Variants in CNR2 observed in about 807,000 individuals in gnomAD.
CNR2 encodes the protein cannabinoid receptor 2.
For synonymous variants in CNR2, 172 were observed against 182.2 expected (o/e 0.94, Z 0.45); for missense variants, 379 against 439.9 (o/e 0.86, Z 1.24).
In CNR2 at chr1:23,910,939, T is replaced by C. The variant is rs141769115; in HGVS notation, c.-46+2307A>G. Among the ~76,000 whole-genome samples the C allele has an allele frequency of 3.6e-3, 552 of 152,200 alleles. 6 individuals are homozygous for C. Among genetic ancestry groups the C allele is most frequent in the African/African-American group, 0.012 (516 of 41,540 alleles). ...TGCTCACACTGGCTCCGCTATTCCT[T>C]GGCTGTGTGACACTGAGCAAGTCAA... On this transcript the variant is annotated intron_variant, in intron 1 of 1. Coordinates refer to ENST00000374472, the MANE Select transcript of CNR2 (RefSeq NM_001841.3).
chr1:23,875,430 T>A lies in CNR2; in HGVS notation c.188A>T (p.Gln63Leu). ...AVLYLILSSHQLRRKPSYLFI... is the reference protein window; with the variant it reads ...AVLYLILSSHLLRRKPSYLFI... ...CAGGTATGAGGGCTTCCGGCGGAGT[T>A]GGTGGGAGGACAGGATCAGATAGAG... The change falls in exon 2 of 2, where the codon CAA (glutamine) becomes CTA (leucine). Residue 63 changes from glutamine to leucine, a missense_variant. Transcript: ENST00000374472. 6.2e-7 allele frequency: 1 copy of A among 1,613,518 alleles called. No individual in the cohort carries two copies. The highest frequency in any genetic ancestry group is 8.5e-7 in the Non-Finnish European group (1 of 1,179,818).
intron 1 of CNR2, among the ~76,000 whole-genome samples, chr1:23,912,816 T>C (rs1198430875): frequency 7.2e-5 from 11 of 152,168 alleles, no homozygotes; most frequent in Non-Finnish European, 1.6e-4. Flanking sequence ...ATCTATCCCC[T>C]GCCCCAGACA....
chr1:23,913,153 TC>T (rs1640614159), intron 1 of CNR2, 92 bp downstream of exon 1: 2 of 172,612 alleles, frequency 1.2e-5, no homozygotes, highest in South Asian at 2.6e-4. Flanking sequence ...AGAGCAAAAC[TC>T]CGTCTCAAAA....
rs181986074 is a variant in CNR2 at position 23,872,791 on chromosome 1, G to T, written c.*1744C>A. On this transcript the variant is annotated 3_prime_UTR_variant, in exon 2 of 2. Transcript: ENST00000374472. ...CTCAATAAAAGTGAGCCGGCACATG[G>T]TAGGTCTATCCTACCGTTTATTGAG... is the stretch of plus-strand genomic sequence containing the variant. 5.3e-5 allele frequency: 8 copies of T among 152,334 alleles called. No individual in the cohort carries two copies. The highest frequency in any genetic ancestry group is 1.7e-4 in the African/African-American group (7 of 41,562). 9.4% of individuals were successfully genotyped at this position (152,334 alleles called of 1,614,324 possible).
In CNR2 at chr1:23,874,614, G is replaced by A. The variant is rs761421274; in HGVS notation, c.1004C>T (p.Ser335Phe). The A allele has an allele frequency of 1.2e-6, 2 of 1,614,162 alleles. No individual in the cohort carries two copies. Among genetic ancestry groups the A allele is most frequent in the South Asian group, 2.2e-5 (2 of 91,070 alleles). The change falls in exon 2 of 2, where the codon TCC becomes TTC. Residue 335 changes from serine (S) to phenylalanine (F), a missense_variant. Transcript: ENST00000374472. ...ATCAGCCTCTGTCTCGGTGACTGAG[G>A]ATCTCGGGGCTTCTTCTTTTGCCTC... ...GSEAKEEAPRSSVTETEADGK... is the reference protein window; with the variant it reads ...GSEAKEEAPRFSVTETEADGK...
chr1:23,898,532 G>A (rs1278156125), intron 1 of CNR2, among the ~76,000 whole-genome samples: 3 of 147,338 alleles, frequency 2.0e-5, no homozygotes, highest in African/African-American at 7.6e-5. Context: ...TAGTAGAGAC[G>A]GGGTTTCACC....
chr1:23,877,979 T>C (rs1166172509), intron 1 of CNR2, among the ~76,000 whole-genome samples: 1 of 147,762 alleles, frequency 6.8e-6, no homozygotes, highest in Non-Finnish European at 1.5e-5. Context: ...AAAAAAAGAA[T>C]GTAGCTCTGA....
chr1:23,905,827 G>A (rs1458135218), intron 1 of CNR2, among the ~76,000 whole-genome samples: 2 of 152,160 alleles, frequency 1.3e-5, no homozygotes, highest in Non-Finnish European at 2.9e-5. Flanking sequence ...GTGCATTTGT[G>A]CATCTGTTGG....
rs1231171241 is a variant in CNR2, at chr1:23,884,434, TA to T, written c.-45-8773del. 3.6e-5 allele frequency among the ~76,000 whole-genome samples: 3 copies of T among 82,508 alleles called. No individual in the cohort carries two copies. In the East Asian group the frequency reaches 6.6e-4, roughly 18 times the overall value. 54.1% of individuals were successfully genotyped at this position (82,508 alleles called of 152,430 possible). On this transcript the variant is annotated intron_variant, in intron 1 of 1. Transcript: ENST00000374472. The stretch of plus-strand genomic sequence containing the variant: ...GATTCTCATGCCTCAGCCTCCCAAG[TA>T]GCTGGGATTACAGGCACACACCACC...
At chr1:23,891,342 G>A (rs925570077) in intron 1 of CNR2, among the ~76,000 whole-genome samples, 1 of 151,320 alleles carries the variant, frequency 6.6e-6, no homozygotes, top group African/African-American at 2.4e-5. Flanking sequence ...AATCAGGCCA[G>A]GCACGGTGGC....
chr1:23,897,005 C>T (rs1255806168), intron 1 of CNR2, among the ~76,000 whole-genome samples: 2 of 151,934 alleles, frequency 1.3e-5, no homozygotes, highest in Non-Finnish European at 2.9e-5. Flanking sequence ...CCTGCCTCAG[C>T]CTCCCAAATA....
intron 1 of CNR2, among the ~76,000 whole-genome samples, chr1:23,880,000 T>C (rs1318566931): frequency 6.6e-6 from 1 of 152,164 alleles, no homozygotes; most frequent in East Asian, 1.9e-4. Context: ...ATTGGCTTCT[T>C]AATCAGTCTT....
chr1:23,897,684 A>T (rs972885733), intron 1 of CNR2, among the ~76,000 whole-genome samples: 14 of 150,438 alleles, frequency 9.3e-5, no homozygotes, highest in Admixed American at 2.6e-4. Context: ...CTGGTCTTGA[A>T]CTCCTGACCT....
In CNR2 at chr1:23,874,414, G is replaced by T; in HGVS notation, c.*121C>A. 9.0e-7 allele frequency: 1 copy of T among 1,115,800 alleles called. No individual in the cohort carries two copies. 69.1% of individuals were successfully genotyped at this position (1,115,800 alleles called of 1,614,324 possible). A position where few individuals can be genotyped will look rare whatever the true frequency, so the allele number is the denominator to read the frequency against. ...AGTCCCAACACTCATCAGCAAAAAG[G>T]GGTCCGTGTCTAGGTGTCTGGGACT... On this transcript the variant is annotated 3_prime_UTR_variant, in exon 2 of 2. Coordinates refer to ENST00000374472, the MANE Select transcript of CNR2 (RefSeq NM_001841.3).
intron 1 of CNR2, among the ~76,000 whole-genome samples, chr1:23,878,508 T>G (rs1189425641): frequency 6.6e-6 from 1 of 151,924 alleles, no homozygotes. Context: ...CCTCCTGACA[T>G]AGCTGAGACT....
At chr1:23,902,051 C>T in intron 1 of CNR2, 5 of 1,569,848 alleles carry the variant, frequency 3.2e-6, no homozygotes, top group South Asian at 2.2e-5. Flanking sequence ...TGGGCAGCGC[C>T]GTTGGCAAAC....
intron 1 of CNR2, among the ~76,000 whole-genome samples, chr1:23,903,140 G>C (rs1235809684): frequency 1.3e-5 from 2 of 150,882 alleles, no homozygotes; most frequent in Non-Finnish European, 1.5e-5. Context: ...TACCACCCCC[G>C]CCCCTGCGAT....
intron 1 of CNR2, among the ~76,000 whole-genome samples, chr1:23,904,850 A>T (rs1640461433): frequency 6.6e-6 from 1 of 152,220 alleles, no homozygotes; most frequent in South Asian, 2.1e-4. Flanking sequence ...CAGGAGTAAG[A>T]CAGGGTTAAC....
chr1:23,896,097 T>A (rs1640278343), intron 1 of CNR2, among the ~76,000 whole-genome samples: 1 of 152,146 alleles, frequency 6.6e-6, no homozygotes, highest in Admixed American at 6.5e-5. Flanking sequence ...CTCCTGGCCT[T>A]AAGTGATCCT....
Sources: allele counts gnomAD v4.1 joint callset (sites outside exome capture counted in the v4.1 genomes callset), GRCh38; gene constraint gnomAD v4.1.1; transcripts MANE v1.5; gene names NCBI Gene and HGNC (gene_info 2026-07-23, HGNC 2026-07-21).